CTNNA3: variants seen among roughly 807,000 people sequenced by gnomAD.
CTNNA3 encodes the protein catenin alpha-3.
A neutral mutation model predicts 95.7 loss-of-function variants in CTNNA3; 76 were observed. The ratio of observed to expected loss-of-function variants is 0.79; its 90% CI spans 0.66 to 0.96. CTNNA3 has a LOEUF of 0.96. Among genes scored for constraint, CTNNA3 ranks in the 40% least tolerant of loss-of-function variants. The pLI is 0.00. For synonymous variants in CTNNA3, 431 were observed against 374.4 expected, an observed-to-expected ratio of 1.15 and a Z score of -1.74; for missense variants, 1,191 against 1,089.8, an observed-to-expected ratio of 1.09 and a Z score of -1.31.
intron 7 of CTNNA3, among the ~76,000 whole-genome samples, chr10:67,084,773 G>A (rs575395481): frequency 5.3e-5 from 8 of 151,864 alleles, no homozygotes; most frequent in South Asian, 4.2e-4. Flanking sequence ...AGGCTGTATC[G>A]CATAAAAAAT....
intron 2 of CTNNA3, among the ~76,000 whole-genome samples, chr10:67,630,527 G>T (rs781384587): frequency 1.3e-5 from 2 of 152,100 alleles, no homozygotes. Flanking sequence ...TCTGAGATTT[G>T]GGGGTTGTCT....
intron 15 of CTNNA3, among the ~76,000 whole-genome samples, chr10:66,011,910 A>G (rs1477087508): frequency 6.6e-6 from 1 of 152,200 alleles, no homozygotes; most frequent in Non-Finnish European, 1.5e-5. Flanking sequence ...GCTATGCTGT[A>G]TGATGGATAA....
intron 12 of CTNNA3, among the ~76,000 whole-genome samples, chr10:66,322,250 T>C (rs928940391): frequency 2.0e-5 from 3 of 152,052 alleles, no homozygotes; most frequent in Admixed American, 1.3e-4. Context: ...CCATAAACTA[T>C]TGGAAAACTC....
chr10:67,388,200 C>A (rs1209420497), intron 5 of CTNNA3, among the ~76,000 whole-genome samples: 1 of 99,298 alleles, frequency 1.0e-5, no homozygotes. Context: ...ATAACCAATA[C>A]AGAGAAGTGC....
chr10:66,451,019 G>A (rs2093460242), intron 11 of CTNNA3, among the ~76,000 whole-genome samples: 1 of 151,980 alleles, frequency 6.6e-6, no homozygotes, highest in Non-Finnish European at 1.5e-5. Context: ...AACAATAGTA[G>A]ATATCATCTA....
intron 10 of CTNNA3, among the ~76,000 whole-genome samples, chr10:66,591,521 C>G (rs1393452864): frequency 1.3e-5 from 2 of 152,172 alleles, no homozygotes; most frequent in Non-Finnish European, 2.9e-5. Flanking sequence ...GTTCTTAAAG[C>G]AACCCATTCA....
chr10:67,750,756 G>A, intron 1 of CTNNA3: 1 of 1,598,654 alleles, frequency 6.3e-7, no homozygotes, highest in Non-Finnish European at 8.6e-7. Flanking sequence ...AAGCCCTTGG[G>A]GTCTCCAATT....
chr10:66,855,267 T>C (rs1025953553), intron 7 of CTNNA3, among the ~76,000 whole-genome samples: 25 of 151,982 alleles, frequency 1.6e-4, no homozygotes, highest in African/African-American at 3.4e-4. Flanking sequence ...GTGGCATAAC[T>C]AGGCTTTACC....
At position 66,540,073 on chromosome 10, in the gene CTNNA3, TAAC is replaced by T. The variant is rs149773563; in HGVS notation, c.1375-19303_1375-19301del. On this transcript the variant is annotated intron_variant, in intron 10 of 17. Transcript: ENST00000433211. ...TATCACCAAACATTATCATCATAAA[TAAC>T]AATAATAAGAAGAGGTATTACATCC... Among the ~76,000 whole-genome samples the T allele has an allele frequency of 7.6e-3, 1,161 of 152,092 alleles. 23 individuals are homozygous for T. Among genetic ancestry groups the T allele is most frequent in the African/African-American group, 0.027 (1,121 of 41,480 alleles).
chr10:66,218,465 A>G (rs957560480), intron 13 of CTNNA3, among the ~76,000 whole-genome samples: 1 of 152,146 alleles, frequency 6.6e-6, no homozygotes, highest in Non-Finnish European at 1.5e-5. Context: ...AAGGAACCCT[A>G]TAGGCGAGCT....
intron 12 of CTNNA3, among the ~76,000 whole-genome samples, chr10:66,378,253 A>T (rs2092810082): frequency 6.6e-6 from 1 of 152,222 alleles, no homozygotes; most frequent in South Asian, 2.1e-4. Flanking sequence ...TTGGCTAAAC[A>T]ATGTGCATAT....
intron 7 of CTNNA3, among the ~76,000 whole-genome samples, chr10:66,947,290 T>G (rs1172336364): frequency 1.3e-5 from 2 of 152,312 alleles, no homozygotes; most frequent in East Asian, 3.9e-4. Flanking sequence ...ATGCATTTCT[T>G]GAGTTGTTCT....
At chr10:65,988,891 C>T (rs1241030771) in intron 15 of CTNNA3, 94 bp from the exon 16 acceptor site, 2 of 793,516 alleles carry the variant, frequency 2.5e-6, no homozygotes, top group Non-Finnish European at 4.2e-6. Context: ...ATCTATGCGT[C>T]CATCCATCCG....
At chr10:66,636,787 AAAG>A (rs1231619809) in intron 9 of CTNNA3, among the ~76,000 whole-genome samples, 2 of 152,188 alleles carry the variant, frequency 1.3e-5, no homozygotes, top group East Asian at 1.9e-4. Context: ...ACTGAAAGAA[AAAG>A]AAGAGAAGAT....
In CTNNA3 at chr10:66,300,720, T is replaced by C. The variant is rs116255197; in HGVS notation, c.1733-20099A>G. ...TTTAAAAGTATCAAGGTAAGGTATA[T>C]ATGAGAAAAAAAAAATTAAAGTCTA... On this transcript the variant is annotated intron_variant, in intron 12 of 17. Coordinates refer to ENST00000433211, the MANE Select transcript of CTNNA3 (RefSeq NM_013266.4). Among the ~76,000 whole-genome samples, 212 of 151,398 alleles carry C rather than the reference T, an allele frequency of 1.4e-3. 1 individual carries two copies. Among genetic ancestry groups the C allele is most frequent in the African/African-American group, 5.0e-3 (207 of 41,316 alleles).
At chr10:67,203,444 A>G (rs1053717489) in intron 6 of CTNNA3, among the ~76,000 whole-genome samples, 2 of 152,168 alleles carry the variant, frequency 1.3e-5, no homozygotes, top group Admixed American at 6.5e-5. Context: ...AGTCTCAGGT[A>G]TGTCTTTATT....
At chr10:67,471,043 T>C (rs1055322221) in intron 5 of CTNNA3, among the ~76,000 whole-genome samples, 43 of 152,272 alleles carry the variant, frequency 2.8e-4, no homozygotes, top group African/African-American at 7.5e-4. Context: ...CTCAAAGCCC[T>C]GGGGCTCAGG....
chr10:67,509,899 T>TG (rs1483706578), intron 5 of CTNNA3, among the ~76,000 whole-genome samples: 1 of 152,226 alleles, frequency 6.6e-6, no homozygotes, highest in Non-Finnish European at 1.5e-5. Context: ...TGGCGTGAGA[T>TG]GGTATCTCAT....
At chr10:67,353,679 T>C (rs1333567553) in intron 5 of CTNNA3, among the ~76,000 whole-genome samples, 2 of 151,960 alleles carry the variant, frequency 1.3e-5, no homozygotes, top group African/African-American at 4.8e-5. Context: ...TGGGATAAGC[T>C]TTATGATGCT....
Sources: allele counts gnomAD v4.1 joint callset (sites outside exome capture counted in the v4.1 genomes callset), GRCh38; gene constraint gnomAD v4.1.1; transcripts MANE v1.5; gene names NCBI Gene and HGNC (gene_info 2026-07-23, HGNC 2026-07-21).